The following GLIS3 variants were observed in gnomAD, a reference collection of about 807,000 sequenced individuals.
GLIS3 encodes zinc finger protein GLIS3.
A neutral mutation model predicts 78.6 loss-of-function variants in GLIS3; 53 were observed. The observed-to-expected ratio is 0.67, with a 90% CI of 0.54 to 0.85. GLIS3 has a LOEUF of 0.85. Ranked by LOEUF, GLIS3 falls within the 40% of genes least tolerant of loss-of-function variation. GLIS3 has a pLI of 0.00. For synonymous variants in GLIS3, 684 were observed against 509.9 expected, an observed-to-expected ratio of 1.34 and a Z score of -4.60; for missense variants, 1,703 against 1,231.1, an observed-to-expected ratio of 1.38 and a Z score of -5.74.
rs1318670895 is a variant in GLIS3 at position 4,286,061 on chromosome 9, G to C, written c.365C>G (p.Pro122Arg). ...ACCTTTCCCAGGATTTGGAGGAAAA[G>C]GGCTTCCAAACTCCTGCTGCTTTGG... ...LKPKQQEFGS[P>R]FPPNPGKGAL... Residue 122 changes from proline to arginine, a missense_variant, in exon 2 of 11, where the codon CCT becomes CGT. Physicochemically the swap from Pro to Arg is moderately radical, Grantham distance 103 (BLOSUM62 -2). Coordinates refer to ENST00000381971, the MANE Select transcript of GLIS3 (RefSeq NM_001042413.2). 1 of 1,613,790 alleles carries C rather than the reference G, an allele frequency of 6.2e-7. No individual in the cohort carries two copies. Among genetic ancestry groups the C allele is most frequent in the South Asian group, 1.1e-5 (1 of 91,040 alleles).
chr9:4,189,014 T>C (rs558130221), intron 2 of GLIS3, among the ~76,000 whole-genome samples: 6 of 152,168 alleles, frequency 3.9e-5, no homozygotes, highest in Non-Finnish European at 8.8e-5. Context: ...TGCTCTGATT[T>C]TAGTTATTTC....
intron 8 of GLIS3, among the ~76,000 whole-genome samples, chr9:3,860,272 C>CAAAAAAAAAAAAAAAAAAAAAAAAAAAA (rs59923144): frequency 2.4e-4 from 13 of 53,608 alleles, no homozygotes; most frequent in Non-Finnish European, 3.4e-4. Flanking sequence ...AAGACTCTGT[C>CAAAAAAAAAAAAAAAAAAAAAAAAAAAA]AAAAAAAAAA....
intron 2 of GLIS3, among the ~76,000 whole-genome samples, chr9:4,271,770 C>G (rs73382383): frequency 0.03 from 4,518 of 152,196 alleles, 234 homozygotes; most frequent in African/African-American, 0.1. Flanking sequence ...TGATCTCCTG[C>G]TCTGCTCACC....
intron 2 of GLIS3, among the ~76,000 whole-genome samples, chr9:4,194,147 T>G (rs1818584879): frequency 6.6e-6 from 1 of 152,110 alleles, no homozygotes; most frequent in Non-Finnish European, 1.5e-5. Flanking sequence ...AACCTCCACC[T>G]CCTGGGTTCA....
At chr9:4,178,835 C>G (rs1383040910) in intron 2 of GLIS3, among the ~76,000 whole-genome samples, 2 of 152,068 alleles carry the variant, frequency 1.3e-5, no homozygotes, top group African/African-American at 4.8e-5. Context: ...AGAAAAGAAA[C>G]AAACATCTTT....
At chr9:4,183,619 C>G (rs1201442995) in intron 2 of GLIS3, among the ~76,000 whole-genome samples, 2 of 152,318 alleles carry the variant, frequency 1.3e-5, no homozygotes, top group South Asian at 2.1e-4. Flanking sequence ...CATCTGTAAA[C>G]TAAGGACACT....
chr9:3,959,887 C>G (rs1345198114), intron 4 of GLIS3, among the ~76,000 whole-genome samples: 3 of 152,202 alleles, frequency 2.0e-5, no homozygotes, highest in African/African-American at 4.8e-5. Flanking sequence ...AGCCTTGGCT[C>G]AAGCCTGTAA....
At chr9:4,386,709 T>C in the GLIS3 span, among the ~76,000 whole-genome samples, 1 of 152,164 alleles carries the variant, frequency 6.6e-6, no homozygotes, top group Non-Finnish European at 1.5e-5. Flanking sequence ...CCTATGTAAA[T>C]GGAAAGGATG....
At chr9:4,404,701 T>C in the GLIS3 span, among the ~76,000 whole-genome samples, 1 of 151,974 alleles carries the variant, frequency 6.6e-6, no homozygotes, top group Non-Finnish European at 1.5e-5. Flanking sequence ...TACCAAAACA[T>C]ATGAGATACA....
chr9:4,041,966 TTGCA>T (rs1202405914), intron 4 of GLIS3, among the ~76,000 whole-genome samples: 1 of 152,176 alleles, frequency 6.6e-6, no homozygotes, highest in African/African-American at 2.4e-5. Context: ...TGATGTGATT[TTGCA>T]TGTCCTGAAC....
intron 8 of GLIS3, among the ~76,000 whole-genome samples, chr9:3,867,020 C>T (rs927885320): frequency 2.0e-5 from 3 of 152,154 alleles, no homozygotes; most frequent in Admixed American, 6.5e-5. Context: ...ATAGAGCCAA[C>T]AGGACCTACA....
chr9:4,039,006 C>G (rs1588510763), intron 4 of GLIS3, among the ~76,000 whole-genome samples: 1 of 152,116 alleles, frequency 6.6e-6, no homozygotes, highest in East Asian at 1.9e-4. Context: ...GAGCAGCTTG[C>G]CACAACAATA....
chr9:4,378,673 A>C, the GLIS3 span, among the ~76,000 whole-genome samples: 1 of 152,346 alleles, frequency 6.6e-6, no homozygotes, highest in South Asian at 2.1e-4. Flanking sequence ...ACTATTCCTA[A>C]TATGGACTAT....
At chr9:4,402,818 G>T in the GLIS3 span, among the ~76,000 whole-genome samples, 6 of 152,110 alleles carry the variant, frequency 3.9e-5, no homozygotes, top group Non-Finnish European at 8.8e-5. Flanking sequence ...ATGCCTAGAA[G>T]ATCTAGAAAA....
At chr9:4,438,874 A>T in the GLIS3 span, among the ~76,000 whole-genome samples, 97 of 152,308 alleles carry the variant, frequency 6.4e-4, no homozygotes, top group Non-Finnish European at 1.1e-3. Context: ...TCTTTCCTTT[A>T]TAAATTACCT....
chr9:4,401,348 C>G, the GLIS3 span, among the ~76,000 whole-genome samples: 1 of 152,070 alleles, frequency 6.6e-6, no homozygotes, highest in Admixed American at 6.6e-5. Context: ...CAACCTCTGT[C>G]TCCCACGTTC....
chr9:4,239,366 G>A lies in GLIS3; in HGVS notation c.388+46672C>T, dbSNP rs555138931. On this transcript the variant is annotated intron_variant, in intron 2 of 10. Transcript: ENST00000381971. ...GTTCTCTTAACCCATAGACGTTCAC[G>A]ACTTTTTTTTTTTCTCTGCGATGAG... Among the ~76,000 whole-genome samples, 9 of 151,080 alleles carry A rather than the reference G, an allele frequency of 6.0e-5. No homozygotes were observed. In the South Asian group the frequency reaches 8.3e-4, roughly 14 times the overall value.
At chr9:4,316,770 G>A (rs1221785581) in intron 2 of GLIS3, among the ~76,000 whole-genome samples, 1 of 152,036 alleles carries the variant, frequency 6.6e-6, no homozygotes, top group East Asian at 1.9e-4. Flanking sequence ...GGAATAAGCT[G>A]GTACATAATT....
intron 2 of GLIS3, among the ~76,000 whole-genome samples, chr9:4,191,007 C>T (rs1291285776): frequency 1.3e-5 from 2 of 151,940 alleles, no homozygotes; most frequent in South Asian, 2.1e-4. Flanking sequence ...ACCGCCAGGC[C>T]TGCCCTAAAA....
Sources: allele counts gnomAD v4.1 joint callset (sites outside exome capture counted in the v4.1 genomes callset), GRCh38; gene constraint gnomAD v4.1.1; transcripts MANE v1.5; gene names NCBI Gene and HGNC (gene_info 2026-07-23, HGNC 2026-07-21).